The following MAPT variants were observed in gnomAD, a reference collection of about 807,000 sequenced individuals.
The protein encoded by MAPT is microtubule-associated protein tau.
MAPT carries 34 observed loss-of-function variants against 67.9 expected under a neutral mutation model. The observed-to-expected ratio is 0.50, with a 90% CI of 0.38 to 0.67. The LOEUF (loss-of-function observed/expected upper bound fraction) is 0.67, where lower values mean the gene tolerates loss of function less well. MAPT is among the 30% of genes least tolerant of loss of function. The pLI is 0.00. For missense variants in MAPT, 881 were observed against 1,115.2 expected (o/e 0.79, Z 2.99); for synonymous variants, 456 against 464.5 (o/e 0.98, Z 0.23).
intron 1 of MAPT, among the ~76,000 whole-genome samples, chr17:45,944,691 G>T (rs1481168059): frequency 6.6e-6 from 1 of 152,214 alleles, no homozygotes; most frequent in Non-Finnish European, 1.5e-5. Flanking sequence ...CTAGGAGCTG[G>T]TTATCATTCC....
intron 8 of MAPT, chr17:45,993,991 T>C (rs1485225794): frequency 6.4e-7 from 1 of 1,560,242 alleles, no homozygotes; most frequent in South Asian, 1.2e-5. Context: ...CTCGGGAGCC[T>C]ACTTCGCTGG....
chr17:45,894,584 C>A lies in MAPT; in HGVS notation c.-120C>A. ...CACCGCCACCCACCAGCTCCGGCACCAACAGCAGCGCCGCTGCCACCGCCC... is the reference window on the plus strand; with the variant it reads ...CACCGCCACCCACCAGCTCCGGCACAAACAGCAGCGCCGCTGCCACCGCCC... On this transcript the variant is annotated 5_prime_UTR_variant, in exon 1 of 13. Coordinates refer to ENST00000262410, the MANE Select transcript of MAPT (RefSeq NM_001377265.1). 1 of 154,654 alleles carries A rather than the reference C, an allele frequency of 6.5e-6. No homozygotes were observed. Among genetic ancestry groups the A allele is most frequent in the South Asian group, 2.0e-4 (1 of 4,948 alleles). 9.6% of individuals were successfully genotyped at this position (154,654 alleles called of 1,614,324 possible). A position where few individuals can be genotyped will look rare whatever the true frequency, so the allele number is the denominator to read the frequency against.
In MAPT at chr17:45,995,907, G is replaced by A. The variant is rs779184054; in HGVS notation, c.1733-492G>A. Among the ~76,000 whole-genome samples the A allele has an allele frequency of 1.3e-5, 2 of 152,180 alleles. No individual in the cohort carries two copies. Among genetic ancestry groups the A allele is most frequent in the South Asian group, 2.1e-4 (1 of 4,828 alleles). ...AGGCTTGAGGGCACAGCTGGGTCTCGTCACTGCATCACCCTTATTTAGGAT... is the reference window on the plus strand; with the variant it reads ...AGGCTTGAGGGCACAGCTGGGTCTCATCACTGCATCACCCTTATTTAGGAT... On this transcript the variant is annotated intron_variant, in intron 8 of 12. Transcript: ENST00000262410. This position sits in a 1 kb window ranked among gnomAD's most constrained non-coding sequence, Gnocchi z 4.3.
At chr17:46,023,353 C>T (rs2076646744) in intron 12 of MAPT, among the ~76,000 whole-genome samples, 1 of 152,194 alleles carries the variant, frequency 6.6e-6, no homozygotes, top group South Asian at 2.1e-4. Flanking sequence ...CCTTTTGGTA[C>T]ATCCGTGGCG....
chr17:45,901,516 C>T (rs2063609226), intron 1 of MAPT, among the ~76,000 whole-genome samples: 1 of 152,170 alleles, frequency 6.6e-6, no homozygotes. Flanking sequence ...ATAAAGCAAA[C>T]TTGTGGTGTA....
chr17:45,994,029 A>G, intron 8 of MAPT: 2 of 1,508,036 alleles, frequency 1.3e-6, no homozygotes, highest in Non-Finnish European at 1.8e-6. Flanking sequence ...GTGTGTGGCC[A>G]TTCACTGGCT....
intron 1 of MAPT, among the ~76,000 whole-genome samples, chr17:45,951,510 T>A (rs2069077171): frequency 6.6e-6 from 1 of 152,092 alleles, no homozygotes. Context: ...TCTGAACTGT[T>A]ATCTTTGTTC....
rs1164910477 is a variant in MAPT at position 45,995,504 on chromosome 17, A to G, written c.1733-895A>G. 6.6e-6 allele frequency among the ~76,000 whole-genome samples: 1 copy of G among 152,200 alleles called. No individual in the cohort carries two copies. The highest frequency in any genetic ancestry group is 2.4e-5 in the African/African-American group (1 of 41,436). On this transcript the variant is annotated intron_variant, in intron 8 of 12. Transcript: ENST00000262410. This position sits in a 1 kb window ranked among gnomAD's most constrained non-coding sequence, Gnocchi z 4.3. ...TTTGGAAAATACAGACCCATGAGATAGAATACCAGACTGTTGAAGTGTAAC... is the reference window on the plus strand; with the variant it reads ...TTTGGAAAATACAGACCCATGAGATGGAATACCAGACTGTTGAAGTGTAAC...
At position 45,983,499 on chromosome 17, in the gene MAPT, C is replaced by T. The variant is rs563636373; in HGVS notation, c.920C>T (p.Ser307Phe). 1.9e-6 allele frequency: 3 copies of T among 1,612,120 alleles called. No individual in the cohort carries two copies. In the South Asian group the frequency reaches 3.3e-5, roughly 18 times the overall value. ...RDVDESSPQD[S>F]PPSKASPAQD... ...GTCGATGAGTCCTCCCCCCAAGACT[C>T]CCCTCCCTCCAAGGCCTCCCCAGCC... Residue 307 changes from serine to phenylalanine, a missense_variant, in exon 5 of 13, where the codon TCC becomes TTC. Ser to Phe is a radical substitution (Grantham distance 155). Coordinates refer to ENST00000262410, the MANE Select transcript of MAPT (RefSeq NM_001377265.1).
At chr17:45,984,061 G>A (rs1403919783) in intron 5 of MAPT, 131 bp downstream of exon 5, 15 of 784,462 alleles carry the variant, frequency 1.9e-5, no homozygotes, top group Admixed American at 1.2e-4. Context: ...CCACTAAATC[G>A]ACACCTGGGT....
Position 46,010,551 on chromosome 17 carries a change from G to A in MAPT, c.2091+149G>A. 2 of 705,008 alleles carry A rather than the reference G, an allele frequency of 2.8e-6. No individual in the cohort carries two copies. Among genetic ancestry groups the A allele is most frequent in the Non-Finnish European group, 5.1e-6 (2 of 389,130 alleles). The allele number at this position is 705,008 out of a possible 1,614,324, so 43.7% of individuals were successfully genotyped here. A position where few individuals can be genotyped will look rare whatever the true frequency, so the allele number is the denominator to read the frequency against. On this transcript the variant is annotated intron_variant, in intron 10 of 12. Coordinates refer to ENST00000262410, the MANE Select transcript of MAPT (RefSeq NM_001377265.1). This position sits in a 1 kb window ranked among gnomAD's most constrained non-coding sequence, Gnocchi z 4.7. ...GCGACCTCTGGGTGAATGTAGCCCG[G>A]CTCCCCACATTCCCCCACACGGTCC...
chr17:46,016,944 AT>A (rs1442120998), intron 11 of MAPT, among the ~76,000 whole-genome samples: 1 of 152,156 alleles, frequency 6.6e-6, no homozygotes, highest in Non-Finnish European at 1.5e-5. Flanking sequence ...ACAGCTATAG[AT>A]TCTGTCACCC....
intron 1 of MAPT, among the ~76,000 whole-genome samples, chr17:45,944,881 A>G (rs1455202166): frequency 6.6e-6 from 1 of 152,030 alleles, no homozygotes; most frequent in African/African-American, 2.4e-5. Flanking sequence ...CGACAGTCCC[A>G]CCATCCCTCC....
chr17:45,918,863 G>A (rs1597922669), intron 1 of MAPT, among the ~76,000 whole-genome samples: 1 of 152,248 alleles, frequency 6.6e-6, no homozygotes, highest in East Asian at 1.9e-4. Flanking sequence ...TTTGAGACCA[G>A]CCTGGCCAAC....
chr17:45,958,471 G>A (rs2069986343), intron 1 of MAPT, among the ~76,000 whole-genome samples: 1 of 152,182 alleles, frequency 6.6e-6, no homozygotes, highest in African/African-American at 2.4e-5. Context: ...TGTAATCCCA[G>A]CACTTTGGAA....
intron 1 of MAPT, among the ~76,000 whole-genome samples, chr17:45,951,408 T>C (rs2145122074): frequency 6.6e-6 from 1 of 152,308 alleles, no homozygotes; most frequent in South Asian, 2.1e-4. Context: ...AGCCTATGGG[T>C]AGCGGCAGCA....
At chr17:45,936,599 T>C (rs113120090) in intron 1 of MAPT, among the ~76,000 whole-genome samples, 1 of 112,774 alleles carries the variant, frequency 8.9e-6, no homozygotes, top group African/African-American at 2.6e-5. Flanking sequence ...GTCTAGTTTT[T>C]TTGTTCGTTA....
Position 45,991,679 on chromosome 17 carries a change from T to C in MAPT, c.1732+93T>C, listed in dbSNP as rs1264619885. On this transcript the variant is annotated intron_variant, in intron 8 of 12. Coordinates refer to ENST00000262410, the MANE Select transcript of MAPT (RefSeq NM_001377265.1). ...GAGGCCTTAGGCCACTGAGAATGAA[T>C]AACCCCTGGCAGCTGGTCAGCAGCT... 16 of 1,569,320 alleles carry C rather than the reference T, an allele frequency of 1.0e-5. No individual in the cohort carries two copies. In the Admixed American group the frequency reaches 2.7e-4, roughly 27 times the overall value.
chr17:46,014,434 G>T, intron 11 of MAPT, 110 bp downstream of exon 11: 1 of 802,138 alleles, frequency 1.2e-6, no homozygotes, highest in Non-Finnish European at 2.2e-6. Flanking sequence ...GGATATTTTA[G>T]GTAGACCTAC....
Sources: allele counts gnomAD v4.1 joint callset (sites outside exome capture counted in the v4.1 genomes callset), GRCh38; gene constraint gnomAD v4.1.1; non-coding constraint Gnocchi (gnomAD v3.1); transcripts MANE v1.5; gene names NCBI Gene and HGNC (gene_info 2026-07-23, HGNC 2026-07-21).